The following CD36 variants were observed in gnomAD, a reference collection of about 807,000 sequenced individuals.
The protein encoded by CD36 is platelet glycoprotein 4.
In CD36, 119 loss-of-function variants were observed where a neutral mutation model predicts 55.2. The observed-to-expected ratio is 2.15, with a 90% CI of 1.86 to 2.51. The LOEUF (loss-of-function observed/expected upper bound fraction) is 2.51. Among genes scored for constraint, CD36 ranks in the 30% most tolerant of loss-of-function variants. The pLI is 0.00. For missense variants in CD36, 819 were observed against 555.5 expected (o/e 1.47, Z -4.77); for synonymous variants, 186 against 193.6 (o/e 0.96, Z 0.33).
intron 1 of CD36, among the ~76,000 whole-genome samples, chr7:80,621,973 T>A (rs1793496213): frequency 6.6e-6 from 1 of 152,152 alleles, no homozygotes; most frequent in African/African-American, 2.4e-5. Context: ...CTTCACCTAT[T>A]TTATATATAC....
chr7:80,640,584 A>G (rs761804417), intron 1 of CD36, among the ~76,000 whole-genome samples: 1 of 152,016 alleles, frequency 6.6e-6, no homozygotes, highest in African/African-American at 2.4e-5. Context: ...TTGGCATTAC[A>G]AACTTTATAG....
At chr7:80,624,392 C>A (rs924164455) in intron 1 of CD36, among the ~76,000 whole-genome samples, 9 of 152,068 alleles carry the variant, frequency 5.9e-5, no homozygotes, top group African/African-American at 2.2e-4. Flanking sequence ...CAGCCTGTTT[C>A]AAACTTTTAA....
At chr7:80,605,123 A>G (rs1792469485) in intron 1 of CD36, among the ~76,000 whole-genome samples, 1 of 152,206 alleles carries the variant, frequency 6.6e-6, no homozygotes, top group Non-Finnish European at 1.5e-5. Flanking sequence ...CAAAATTTTA[A>G]GTAAACTGGA....
chr7:80,669,974 T>C lies in CD36; in HGVS notation c.770T>C (p.Phe257Ser). 1 of 1,612,606 alleles carries C rather than the reference T, an allele frequency of 6.2e-7. No homozygotes were observed. The highest frequency in any genetic ancestry group is 8.5e-7 in the Non-Finnish European group (1 of 1,178,756). ...ACAGATGCAGCCTCATTTCCACCTT[T>C]TGTTGAGAAAAGCCAGGTATTGCAG... ...NGTDAASFPP[F>S]VEKSQVLQFF... Residue 257 changes from phenylalanine (F) to serine (S), a missense_variant, in exon 9 of 15, where the codon TTT becomes TCT. Transcript: ENST00000447544.
intron 13 of CD36, chr7:80,673,750 AC>A (rs878982971): frequency 1.7e-6 from 1 of 578,194 alleles, no homozygotes; most frequent in South Asian, 2.1e-5. Flanking sequence ...GAAACTGTTG[AC>A]CCTTTGATAG....
intron 3 of CD36, among the ~76,000 whole-genome samples, chr7:80,651,401 G>GA (rs1181425350): frequency 2.0e-5 from 3 of 151,700 alleles, no homozygotes; most frequent in East Asian, 1.9e-4. Context: ...AAAGTTGGAA[G>GA]AAAAAAATAA....
chr7:80,622,917 T>TA (rs1480915452), intron 1 of CD36, among the ~76,000 whole-genome samples: 1 of 152,108 alleles, frequency 6.6e-6, no homozygotes, highest in Admixed American at 6.5e-5. Context: ...TAAATATTGG[T>TA]AACTTCAATA....
intron 7 of CD36, among the ~76,000 whole-genome samples, chr7:80,664,866 AC>A (rs1349473160): frequency 6.0e-5 from 9 of 151,168 alleles, no homozygotes; most frequent in Middle Eastern, 3.4e-3. Flanking sequence ...AAAAAAAAAA[AC>A]AACACATCAA....
At chr7:80,658,339 T>C (rs1796253621) in intron 4 of CD36, among the ~76,000 whole-genome samples, 1 of 152,130 alleles carries the variant, frequency 6.6e-6, no homozygotes, top group African/African-American at 2.4e-5. Flanking sequence ...AGAATTCACA[T>C]ATGACCTAAG....
intron 1 of CD36, among the ~76,000 whole-genome samples, chr7:80,616,598 A>T (rs568560881): frequency 9.2e-5 from 14 of 152,280 alleles, no homozygotes; most frequent in African/African-American, 3.4e-4. Flanking sequence ...CATTTTCTTA[A>T]GTCTCCAGTT....
chr7:80,670,797 A>G (rs1797584621), intron 9 of CD36, 180 bp from the exon 10 acceptor site: 5 of 600,778 alleles, frequency 8.3e-6, no homozygotes, highest in Non-Finnish European at 1.5e-5. Flanking sequence ...AGAATAGTTC[A>G]TGCTTGGCTA....
intron 5 of CD36, among the ~76,000 whole-genome samples, chr7:80,661,625 G>A (rs1796536789): frequency 2.0e-5 from 3 of 152,060 alleles, no homozygotes; most frequent in Admixed American, 1.3e-4. Context: ...AAACCATTCC[G>A]AGCTTTCCAG....
intron 1 of CD36, chr7:80,633,186 T>C (rs528946400): frequency 1.3e-5 from 2 of 152,154 alleles, no homozygotes; most frequent in South Asian, 2.1e-4. Context: ...CTAATTTTTT[T>C]TCCTACTTAG....
At chr7:80,665,150 C>T (rs1394976145) in intron 7 of CD36, among the ~76,000 whole-genome samples, 1 of 150,938 alleles carries the variant, frequency 6.6e-6, no homozygotes, top group Non-Finnish European at 1.5e-5. Flanking sequence ...AAGACTTTGC[C>T]AACTTTAAAG....
At chr7:80,673,513 C>T in intron 13 of CD36, 104 bp downstream of exon 13, 1 of 772,848 alleles carries the variant, frequency 1.3e-6, no homozygotes, top group South Asian at 1.4e-5. Context: ...ATATGTATTT[C>T]CATTACCCAT....
chr7:80,612,818 T>G (rs2115794517), intron 1 of CD36, among the ~76,000 whole-genome samples: 1 of 152,286 alleles, frequency 6.6e-6, no homozygotes, highest in East Asian at 1.9e-4. Flanking sequence ...TTAACATGTG[T>G]GTTATATCAC....
intron 3 of CD36, among the ~76,000 whole-genome samples, chr7:80,653,955 C>T (rs555663721): frequency 6.6e-6 from 1 of 152,262 alleles, no homozygotes; most frequent in South Asian, 2.1e-4. Context: ...AAATTTGTCA[C>T]ATAACATTGA....
Position 80,669,972 on chromosome 7 carries a change from T to G in CD36, c.768T>G (p.Pro256=), listed in dbSNP as rs777998062. The change falls in exon 9 of 15, where the codon CCT becomes CCG. Residue 256 remains proline, a synonymous_variant. Coordinates refer to ENST00000447544, the MANE Select transcript of CD36 (RefSeq NM_001001548.3). ...INGTDAASFP[P]FVEKSQVLQF... ...AAACAGATGCAGCCTCATTTCCACC[T>G]TTTGTTGAGAAAAGCCAGGTATTGC... 3.1e-6 allele frequency: 5 copies of G among 1,612,144 alleles called. No homozygotes were observed. The highest frequency in any genetic ancestry group is 1.7e-4 in the Middle Eastern group (1 of 6,060).
At chr7:80,652,389 A>G (rs1172494721) in intron 3 of CD36, among the ~76,000 whole-genome samples, 2 of 152,202 alleles carry the variant, frequency 1.3e-5, no homozygotes, top group East Asian at 3.9e-4. Flanking sequence ...CTACTCCAAT[A>G]CATTTCACCT....
Sources: gnomAD v4.1 joint callset for allele counts (sites outside exome capture counted in the v4.1 genomes callset) on GRCh38, gnomAD v4.1.1 for gene constraint, MANE v1.5 for transcripts, NCBI Gene and HGNC (gene_info 2026-07-23, HGNC 2026-07-21) for gene names.